PCDHGA10: variants seen among roughly 807,000 people sequenced by gnomAD.
PCDHGA10 encodes the protein protocadherin gamma-A10.
A neutral mutation model predicts 59.5 loss-of-function variants in PCDHGA10; 42 were observed. The observed-to-expected ratio is 0.71, with a 90% CI of 0.55 to 0.91. The LOEUF (loss-of-function observed/expected upper bound fraction) is 0.91. Ranked by LOEUF, PCDHGA10 falls within the 40% of genes least tolerant of loss-of-function variation. PCDHGA10 has a pLI of 0.00. For missense variants in PCDHGA10, 1,111 were observed against 1,198.2 expected (o/e 0.93, Z 1.07); for synonymous variants, 511 against 517.2 (o/e 0.99, Z 0.16).
chr5:141,486,504 A>G lies in PCDHGA10; in HGVS notation c.2437-8303A>G. ...AGTACCCACAGAACTATTTTCCTCA[A>G]TATTTCAGATGTGAATGATAATCCA... On this transcript the variant is annotated intron_variant, in intron 1 of 3. Transcript: ENST00000398610. The surrounding 1 kb of genome is among the most constrained non-coding windows in gnomAD (Gnocchi z 5.0). 7.4e-6 allele frequency: 12 copies of G among 1,614,100 alleles called. No individual in the cohort carries two copies. Among genetic ancestry groups the G allele is most frequent in the Non-Finnish European group, 1.0e-5 (12 of 1,179,986 alleles).
Position 141,477,952 on chromosome 5 carries a change from A to C in PCDHGA10, c.2437-16855A>C, listed in dbSNP as rs907708638. The C allele has an allele frequency of 1.2e-6, 2 of 1,614,038 alleles. No individual in the cohort carries two copies. Among genetic ancestry groups the C allele is most frequent in the Non-Finnish European group, 1.7e-6 (2 of 1,180,002 alleles). Reference sequence around the variant, plus strand: ...CCTGGCTCTCCTACAGTCTCTTGGGATCCCCTAACCAGAGCCTTTTTGCCA... The same window carrying C: ...CCTGGCTCTCCTACAGTCTCTTGGGCTCCCCTAACCAGAGCCTTTTTGCCA... On this transcript the variant is annotated intron_variant, in intron 1 of 3. Coordinates refer to ENST00000398610, the MANE Select transcript of PCDHGA10 (RefSeq NM_018913.3). This position sits in a 1 kb window ranked among gnomAD's most constrained non-coding sequence, Gnocchi z 4.9.
intron 1 of PCDHGA10, among the ~76,000 whole-genome samples, chr5:141,469,667 T>C (rs62379201): frequency 0.22 from 32,952 of 152,218 alleles, 3,707 homozygotes; most frequent in African/African-American, 0.28. Flanking sequence ...CTTGTTCTAA[T>C]AAAACTACAT....
chr5:141,418,542 T>G, intron 1 of PCDHGA10: 1 of 1,614,028 alleles, frequency 6.2e-7, no homozygotes, highest in Non-Finnish European at 8.5e-7. Flanking sequence ...ACTGCTCAGA[T>G]AAGAATCCTG....
chr5:141,425,013 G>T (rs1666336437), intron 1 of PCDHGA10, among the ~76,000 whole-genome samples: 1 of 152,108 alleles, frequency 6.6e-6, no homozygotes, highest in Non-Finnish European at 1.5e-5. Flanking sequence ...TCTCATTTAG[G>T]AATTTACCTT....
chr5:141,418,902 T>A, intron 1 of PCDHGA10: 3 of 1,613,930 alleles, frequency 1.9e-6, no homozygotes, highest in Non-Finnish European at 2.5e-6. Context: ...CCAGAAATAA[T>A]CATCACGTCA....
At chr5:141,423,563 C>G (rs745802952) in intron 1 of PCDHGA10, 3 of 1,613,550 alleles carry the variant, frequency 1.9e-6, no homozygotes, top group Admixed American at 1.7e-5. Flanking sequence ...TATGGGGACA[C>G]GCTCATCAGC....
rs1309124846 is a variant in PCDHGA10, at chr5:141,491,295, T to C, written c.2437-3512T>C. On this transcript the variant is annotated intron_variant, in intron 1 of 3. Coordinates refer to ENST00000398610, the MANE Select transcript of PCDHGA10 (RefSeq NM_018913.3). This position sits in a 1 kb window ranked among gnomAD's most constrained non-coding sequence, Gnocchi z 6.9. ...CCAGTGACTTCCTCATACACCCTCC[T>C]GAGCGTTCAGACCTTACCCTTTACC... The C allele has an allele frequency of 6.2e-7, 1 of 1,614,176 alleles. No homozygotes were observed. Among genetic ancestry groups the C allele is most frequent in the Non-Finnish European group, 8.5e-7 (1 of 1,179,994 alleles).
At chr5:141,421,797 C>T in intron 1 of PCDHGA10, 1 of 1,613,744 alleles carries the variant, frequency 6.2e-7, no homozygotes, top group Non-Finnish European at 8.5e-7. Context: ...CGGATGGGGC[C>T]AAGAATCCAG....
intron 1 of PCDHGA10, among the ~76,000 whole-genome samples, chr5:141,435,604 A>T (rs1361568996): frequency 6.6e-6 from 1 of 152,180 alleles, no homozygotes. Flanking sequence ...CCTGCTTTTT[A>T]CATTAAATTC....
rs1173306822 is a variant in PCDHGA10 at position 141,431,115 on chromosome 5, T to C, written c.2436+15504T>C. The C allele has an allele frequency of 9.3e-6, 15 of 1,613,492 alleles. No individual in the cohort carries two copies. The highest frequency in any genetic ancestry group is 1.3e-5 in the Non-Finnish European group (15 of 1,179,878). On this transcript the variant is annotated intron_variant, in intron 1 of 3. Coordinates refer to ENST00000398610, the MANE Select transcript of PCDHGA10 (RefSeq NM_018913.3). The surrounding 1 kb of genome is among the most constrained non-coding windows in gnomAD (Gnocchi z 4.8). The stretch of plus-strand genomic sequence containing the variant: ...GAGGATAAAGTGAAAATATATGGAG[T>C]AGAAGTAGAAGTAAGGGACATTAAC...
chr5:141,438,641 C>CAT (rs2098042490), intron 1 of PCDHGA10, among the ~76,000 whole-genome samples: 2 of 79,354 alleles, frequency 2.5e-5, no homozygotes, highest in Non-Finnish European at 4.5e-5. Context: ...TATATACACA[C>CAT]ACACACACAC....
chr5:141,472,183 A>G (rs2099273731), intron 1 of PCDHGA10, among the ~76,000 whole-genome samples: 1 of 152,190 alleles, frequency 6.6e-6, no homozygotes, highest in South Asian at 2.1e-4. Flanking sequence ...CCAGTATTGG[A>G]ATTTGAATCT....
At chr5:141,427,722 G>C (rs755543438) in intron 1 of PCDHGA10, 7 of 1,120,986 alleles carry the variant, frequency 6.2e-6, no homozygotes, top group Non-Finnish European at 9.3e-6. Context: ...CCTGGACCTA[G>C]GGCTGAATGG....
chr5:141,462,781 G>A (rs893647456), intron 1 of PCDHGA10, among the ~76,000 whole-genome samples: 7 of 152,102 alleles, frequency 4.6e-5, no homozygotes, highest in African/African-American at 1.7e-4. Context: ...GTCATAATTT[G>A]TTGCTTATTT....
rs148641580 is a variant in PCDHGA10 at position 141,437,874 on chromosome 5, A to C, written c.2436+22263A>C. 3.9e-4 allele frequency among the ~76,000 whole-genome samples: 59 copies of C among 151,954 alleles called. 1 individual carries two copies. In the East Asian group the frequency reaches 5.8e-3, roughly 15 times the overall value. Reference sequence around the variant, plus strand: ...TGCCTTAGCCTCCCGAGTAGCTGGGACTACAGGCACACGCCACCACACCCA... The same window carrying C: ...TGCCTTAGCCTCCCGAGTAGCTGGGCCTACAGGCACACGCCACCACACCCA... On this transcript the variant is annotated intron_variant, in intron 1 of 3. Transcript: ENST00000398610.
chr5:141,498,078 G>A (rs1165770641), intron 2 of PCDHGA10, among the ~76,000 whole-genome samples: 6 of 152,194 alleles, frequency 3.9e-5, no homozygotes, highest in African/African-American at 1.4e-4. Flanking sequence ...ATAAGTGCTA[G>A]GTAGAATTGT....
At position 141,463,796 on chromosome 5, in the gene PCDHGA10, G is replaced by A. The variant is rs139760353; in HGVS notation, c.2437-31011G>A. ...ATCCTGCACTGTCTTTTGAACAAAT[G>A]TCTAAAAGCTTTTATCACACATTTT... On this transcript the variant is annotated intron_variant, in intron 1 of 3. Coordinates refer to ENST00000398610, the MANE Select transcript of PCDHGA10 (RefSeq NM_018913.3). Among the ~76,000 whole-genome samples, 155 of 152,232 alleles carry A rather than the reference G, an allele frequency of 1.0e-3. 1 individual carries two copies. The highest frequency in any genetic ancestry group is 3.4e-3 in the African/African-American group (140 of 41,538).
At position 141,431,424 on chromosome 5, in the gene PCDHGA10, G is replaced by A; in HGVS notation, c.2436+15813G>A. The A allele has an allele frequency of 1.9e-6, 3 of 1,613,676 alleles. No individual in the cohort carries two copies. The highest frequency in any genetic ancestry group is 2.5e-6 in the Non-Finnish European group (3 of 1,180,028). On this transcript the variant is annotated intron_variant, in intron 1 of 3. Coordinates refer to ENST00000398610, the MANE Select transcript of PCDHGA10 (RefSeq NM_018913.3). The surrounding 1 kb of genome is among the most constrained non-coding windows in gnomAD (Gnocchi z 4.8). ...GCCTCCGACGGGGGCGACCCGGTGC[G>A]CACAGGCACCGCGCGCATCCGCGTG... is the stretch of plus-strand genomic sequence containing the variant.
chr5:141,463,184 T>A (rs62379194), intron 1 of PCDHGA10, among the ~76,000 whole-genome samples: 5,135 of 152,236 alleles, frequency 0.034, 100 homozygotes, highest in Middle Eastern at 0.088. Context: ...CTCAGATTAT[T>A]ATTTAGCCAA....
Sources: gnomAD v4.1 joint callset for allele counts (sites outside exome capture counted in the v4.1 genomes callset) on GRCh38, gnomAD v4.1.1 for gene constraint, Gnocchi (gnomAD v3.1) non-coding constraint, MANE v1.5 for transcripts, NCBI Gene and HGNC (gene_info 2026-07-23, HGNC 2026-07-21) for gene names.